Variants in CDH18 observed in about 807,000 individuals in gnomAD.
CDH18 encodes cadherin-18.
CDH18 carries 31 observed loss-of-function variants against 67.9 expected under a neutral mutation model. The observed-to-expected ratio is 0.46, with a 90% confidence interval of 0.34 to 0.62. The LOEUF (loss-of-function observed/expected upper bound fraction) is 0.62, where lower values mean the gene tolerates loss of function less well. CDH18 is among the 20% of genes least tolerant of loss of function. CDH18 has a pLI of 0.01. For synonymous variants in CDH18, 362 were observed against 347.2 expected, an observed-to-expected ratio of 1.04 and a Z score of -0.48; for missense variants, 890 against 975.5, an observed-to-expected ratio of 0.91 and a Z score of 1.17.
intron 12 of CDH18, among the ~76,000 whole-genome samples, chr5:19,481,485 A>T (rs1276252381): frequency 6.6e-6 from 1 of 152,142 alleles, no homozygotes; most frequent in Non-Finnish European, 1.5e-5. Context: ...GACTTTTCCT[A>T]ACTGGTTTCC....
intron 3 of CDH18, among the ~76,000 whole-genome samples, chr5:19,764,902 C>G (rs1772874564): frequency 6.6e-6 from 1 of 152,156 alleles, no homozygotes; most frequent in South Asian, 2.1e-4. Context: ...TCCTTGTGCT[C>G]ATTCTTGCTA....
chr5:20,234,680 AACTG>A (rs1457893131), intron 2 of CDH18, among the ~76,000 whole-genome samples: 4 of 152,156 alleles, frequency 2.6e-5, no homozygotes, highest in South Asian at 2.1e-4. Context: ...TAGCAGCATG[AACTG>A]ACTAAGATGA....
At chr5:20,237,055 C>T (rs1187340421) in intron 2 of CDH18, among the ~76,000 whole-genome samples, 1 of 151,926 alleles carries the variant, frequency 6.6e-6, no homozygotes, top group Non-Finnish European at 1.5e-5. Flanking sequence ...CAAAATGATA[C>T]TCTACATATA....
chr5:19,524,780 C>G (rs753400169), intron 9 of CDH18, among the ~76,000 whole-genome samples: 17 of 152,164 alleles, frequency 1.1e-4, no homozygotes, highest in Non-Finnish European at 2.1e-4. Context: ...GAGTCTCGCT[C>G]TGTCGCCCAG....
At chr5:20,053,471 C>T (rs1471873834) in intron 2 of CDH18, among the ~76,000 whole-genome samples, 1 of 151,914 alleles carries the variant, frequency 6.6e-6, no homozygotes, top group Non-Finnish European at 1.5e-5. Context: ...AAATACTCTC[C>T]CCATCTCAGC....
chr5:19,635,858 T>C (rs1391725562), intron 5 of CDH18, among the ~76,000 whole-genome samples: 1 of 152,174 alleles, frequency 6.6e-6, no homozygotes, highest in African/African-American at 2.4e-5. Context: ...TGCACTGCCA[T>C]GTAAGCATCA....
At chr5:19,842,888 A>C (rs1331147062) in intron 2 of CDH18, among the ~76,000 whole-genome samples, 1 of 152,044 alleles carries the variant, frequency 6.6e-6, no homozygotes, top group Non-Finnish European at 1.5e-5. Context: ...AGAAAAGGTC[A>C]CTCTTGCTAT....
intron 1 of CDH18, among the ~76,000 whole-genome samples, chr5:20,312,794 T>C (rs1333378632): frequency 6.6e-6 from 1 of 152,180 alleles, no homozygotes; most frequent in East Asian, 1.9e-4. Flanking sequence ...TTTTCAAATT[T>C]CCTCTTTTTA....
chr5:20,477,010 C>T (rs7720594), intron 1 of CDH18, among the ~76,000 whole-genome samples: 16 of 151,934 alleles, frequency 1.1e-4, no homozygotes, highest in African/African-American at 2.2e-4. Flanking sequence ...TTAATTTCAT[C>T]GAGATTACAG....
At chr5:20,218,414 G>A (rs1354427142) in intron 2 of CDH18, among the ~76,000 whole-genome samples, 3 of 152,028 alleles carry the variant, frequency 2.0e-5, no homozygotes, top group Non-Finnish European at 4.4e-5. Context: ...ACTCCTGAAT[G>A]ACCAGTGGGT....
At chr5:19,811,709 G>A (rs1778763591) in intron 3 of CDH18, among the ~76,000 whole-genome samples, 1 of 152,060 alleles carries the variant, frequency 6.6e-6, no homozygotes, top group African/African-American at 2.4e-5. Flanking sequence ...AAGCCTAAGA[G>A]AAAGAAAGAC....
At chr5:20,003,757 G>C (rs559237141) in intron 2 of CDH18, among the ~76,000 whole-genome samples, 2 of 152,174 alleles carry the variant, frequency 1.3e-5, no homozygotes, top group Non-Finnish European at 2.9e-5. Context: ...AATTAGCCGG[G>C]CGTGGTGGCG....
At chr5:19,507,456 G>A (rs1561224335) in intron 10 of CDH18, among the ~76,000 whole-genome samples, 1 of 152,182 alleles carries the variant, frequency 6.6e-6, no homozygotes. Context: ...ACATGCACAC[G>A]TATGTTTATT....
Position 19,947,585 on chromosome 5 carries a change from C to CAAAAAAAAA in CDH18, c.-257+33466_-257+33474dup, listed in dbSNP as rs35601486. Among the ~76,000 whole-genome samples the CAAAAAAAAA allele has an allele frequency of 2.4e-4, 13 of 53,294 alleles. No individual in the cohort carries two copies. In the East Asian group the frequency reaches 3.1e-3, roughly 13 times the overall value. 35.0% of individuals were successfully genotyped at this position (53,294 alleles called of 152,430 possible). On this transcript the variant is annotated intron_variant, in intron 2 of 12. Coordinates refer to ENST00000382275, the MANE Select transcript of CDH18 (RefSeq NM_004934.5). ...GTGAAACTCCATCTCTACTAAAATACAAAAAAAAAAAAAAAAAAAAAAAAA... is the reference window on the plus strand; with the variant it reads ...GTGAAACTCCATCTCTACTAAAATACAAAAAAAAAAAAAAAAAAAAAAAAAAAAAAAAAA...
At position 20,408,048 on chromosome 5, in the gene CDH18, C is replaced by G. The variant is rs529107189; in HGVS notation, c.-579-152543G>C. Among the ~76,000 whole-genome samples the G allele has an allele frequency of 7.9e-5, 12 of 152,074 alleles. No homozygotes were observed. In the South Asian group the frequency reaches 2.5e-3, roughly 32 times the overall value. ...AGACTTATAACATACAAGGGAATCT[C>G]CATAACAATATCAGGTTACCTCTCA... On this transcript the variant is annotated intron_variant, in intron 1 of 14. Coordinates refer to the CDH18 transcript ENST00000507958.
At chr5:19,520,919 G>GGC in intron 9 of CDH18, 141 bp from the exon 10 acceptor site, 1 of 788,250 alleles carries the variant, frequency 1.3e-6, no homozygotes, top group Non-Finnish European at 2.0e-6. Context: ...ACTTTATGAA[G>GGC]GCGCTCTTTG....
At chr5:20,533,473 A>G (rs1178478315) in intron 1 of CDH18, among the ~76,000 whole-genome samples, 2 of 152,166 alleles carry the variant, frequency 1.3e-5, no homozygotes, top group Admixed American at 1.3e-4. Context: ...CTCAAAAAGT[A>G]TTGAAAGAGG....
intron 1 of CDH18, among the ~76,000 whole-genome samples, chr5:20,386,080 A>G (rs2150107870): frequency 6.6e-6 from 1 of 152,248 alleles, no homozygotes; most frequent in East Asian, 1.9e-4. Context: ...AATAGTCTTG[A>G]ACTTATTATT....
At chr5:19,567,428 C>T (rs1161991515) in intron 8 of CDH18, among the ~76,000 whole-genome samples, 2 of 152,094 alleles carry the variant, frequency 1.3e-5, no homozygotes, top group East Asian at 3.9e-4. Flanking sequence ...GCTCAAACTC[C>T]CTTTCATTAC....
Sources: gnomAD v4.1 joint callset for allele counts (sites outside exome capture counted in the v4.1 genomes callset) on GRCh38, gnomAD v4.1.1 for gene constraint, MANE v1.5 for transcripts, NCBI Gene and HGNC (gene_info 2026-07-23, HGNC 2026-07-21) for gene names.